The following LRRC57 variants were observed in gnomAD, a reference collection of about 807,000 sequenced individuals.
The protein encoded by LRRC57 is leucine rich repeat containing 57.
A neutral mutation model predicts 23.1 loss-of-function variants in LRRC57; 14 were observed. That is an observed-to-expected ratio of 0.61 (90% CI 0.40 to 0.95). The LOEUF (loss-of-function observed/expected upper bound fraction) is 0.95, where lower values mean the gene tolerates loss of function less well. Ranked by LOEUF, LRRC57 falls within the 40% of genes least tolerant of loss-of-function variation. The pLI is 0.00. For missense variants in LRRC57, 236 were observed against 284.4 expected (o/e 0.83, Z 1.22); for synonymous variants, 106 against 115.2 (o/e 0.92, Z 0.51).
rs925355505 is a variant in LRRC57, at chr15:42,548,747, T to C, written c.-77A>G. On this transcript the variant is annotated 5_prime_UTR_variant, in exon 1 of 6. Transcript: ENST00000397130. ...GCAGGTGAAGACCCAGGACCCGCAGTAGCCGGGATGCGCTCCCCGGCTTAG... is the reference window on the plus strand; with the variant it reads ...GCAGGTGAAGACCCAGGACCCGCAGCAGCCGGGATGCGCTCCCCGGCTTAG... 1.3e-5 allele frequency: 9 copies of C among 704,918 alleles called. No individual in the cohort carries two copies. Among genetic ancestry groups the C allele is most frequent in the Admixed American group, 1.1e-4 (4 of 35,008 alleles). 43.7% of individuals were successfully genotyped at this position (704,918 alleles called of 1,614,324 possible).
chr15:42,548,435 C>A lies in LRRC57; in HGVS notation c.-1G>T. The A allele has an allele frequency of 6.2e-7, 1 of 1,613,582 alleles. No individual in the cohort carries two copies. The highest frequency in any genetic ancestry group is 8.5e-7 in the Non-Finnish European group (1 of 1,180,008). On this transcript the variant is annotated 5_prime_UTR_variant, in exon 2 of 6. Coordinates refer to ENST00000397130, the MANE Select transcript of LRRC57 (RefSeq NM_153260.3). ...GAGCGCGGAGCGCACTGTTTCCCAT[C>A]CTAGCGCCGCGGCTCAGGTCCCTGC...
intron 5 of LRRC57, among the ~76,000 whole-genome samples, chr15:42,544,842 C>CACACACTATATATATATATATATATATA: frequency 1.0e-5 from 1 of 98,042 alleles, no homozygotes; most frequent in African/African-American, 6.6e-5. Flanking sequence ...CACACACACA[C>CACACACTATATATATATATATATATATA]TATATATATA....
rs1297086722 is a variant in LRRC57, at chr15:42,539,955, G to C, written c.*4128C>G. On this transcript the variant is annotated 3_prime_UTR_variant, in exon 6 of 6. Coordinates refer to ENST00000397130, the MANE Select transcript of LRRC57 (RefSeq NM_153260.3). ...CACGCCTGCAATTCCCAGCATTTTG[G>C]GAGGCCAAGGCAGGTGGATCAACTG... The C allele has an allele frequency of 6.6e-6, 1 of 152,140 alleles. No homozygotes were observed. Among genetic ancestry groups the C allele is most frequent in the Non-Finnish European group, 1.5e-5 (1 of 68,058 alleles). 9.4% of individuals were successfully genotyped at this position (152,140 alleles called of 1,614,324 possible).
At chr15:42,531,414 C>G in the LRRC57 span, 1 of 1,547,230 alleles carries the variant, frequency 6.5e-7, no homozygotes, top group Non-Finnish European at 8.7e-7. Flanking sequence ...GTTTTTCAGG[C>G]TGACACCAAC....
chr15:42,536,825 G>A (rs1207054263), downstream of LRRC57, among the ~76,000 whole-genome samples: 2 of 152,076 alleles, frequency 1.3e-5, no homozygotes, highest in African/African-American at 2.4e-5. Flanking sequence ...CTAGTTGTGT[G>A]GCCTTGAGCA....
At chr15:42,545,725 T>C (rs1020305868) in intron 4 of LRRC57, among the ~76,000 whole-genome samples, 3 of 152,192 alleles carry the variant, frequency 2.0e-5, no homozygotes, top group Non-Finnish European at 4.4e-5. Flanking sequence ...AACTGTACTA[T>C]CTATCCCTTC....
chr15:42,545,355 G>T, intron 4 of LRRC57, 93 bp from the exon 5 acceptor site: 1 of 809,148 alleles, frequency 1.2e-6, no homozygotes, highest in Non-Finnish European at 1.7e-6. Flanking sequence ...ATCTTTACTT[G>T]ACTATTTGTT....
chr15:42,544,900 T>C (rs2057651409), intron 5 of LRRC57, among the ~76,000 whole-genome samples, 177 bp downstream of exon 5: 3 of 146,590 alleles, frequency 2.0e-5, no homozygotes, highest in African/African-American at 7.9e-5. Context: ...TACAATAAGC[T>C]GTCTATAGAG....
chr15:42,548,512 T>G, intron 1 of LRRC57, 56 bp from the exon 2 acceptor site: 1 of 1,420,072 alleles, frequency 7.0e-7, no homozygotes, highest in Non-Finnish European at 9.6e-7. Flanking sequence ...GCCTCCCGGC[T>G]GGGGCTCCTG....
rs190746423 is a variant in LRRC57 at position 42,547,543 on chromosome 15, A to T, written c.224-14T>A. The T allele has an allele frequency of 1.2e-4, 184 of 1,592,410 alleles. No individual in the cohort carries two copies. The highest frequency in any genetic ancestry group is 1.7e-4 in the Middle Eastern group (1 of 5,928). ...CAGGCAGAACAGCTGGCAAAGAAAA[A>T]TTTTTTTAAAACCTGAATGTGATAG... On this transcript the variant is annotated splice_polypyrimidine_tract_variant and intron_variant, in intron 3 of 5. Transcript: ENST00000397130.
Position 42,538,373 on chromosome 15 carries a change from T to TA in LRRC57, c.*5709dup, listed in dbSNP as rs766796202. On this transcript the variant is annotated 3_prime_UTR_variant, in exon 6 of 6. Coordinates refer to ENST00000397130, the MANE Select transcript of LRRC57 (RefSeq NM_153260.3). ...TTCCATAAAGTAAAAGCAAGTTTATTAAAAAAGTAAAGGAATAAAAGAATG... is the reference window on the plus strand; with the variant it reads ...TTCCATAAAGTAAAAGCAAGTTTATTAAAAAAAGTAAAGGAATAAAAGAATG... The TA allele has an allele frequency of 6.6e-6, 1 of 152,188 alleles. No homozygotes were observed. Among genetic ancestry groups the TA allele is most frequent in the African/African-American group, 2.4e-5 (1 of 41,468 alleles). 9.4% of individuals were successfully genotyped at this position (152,188 alleles called of 1,614,324 possible). A position where few individuals can be genotyped will look rare whatever the true frequency, so the allele number is the denominator to read the frequency against.
intron 3 of LRRC57, 140 bp downstream of exon 3, chr15:42,547,963 AAAG>A (rs2057670375): frequency 4.1e-6 from 3 of 735,298 alleles, no homozygotes; most frequent in Non-Finnish European, 4.5e-6. Context: ...CAAGAAGTAG[AAAG>A]AAGGCTTCAA....
downstream of LRRC57, among the ~76,000 whole-genome samples, chr15:42,534,419 A>G (rs1292754455): frequency 6.6e-6 from 1 of 152,090 alleles, no homozygotes. Context: ...GTGAGCCACC[A>G]CACCCGGCCT....
chr15:42,531,526 C>T, the LRRC57 span: 5 of 1,420,420 alleles, frequency 3.5e-6, 1 homozygote, highest in South Asian at 3.7e-5. Context: ...GTAGCTCCTC[C>T]TTGAAAGTTA....
intron 5 of LRRC57, among the ~76,000 whole-genome samples, chr15:42,544,427 A>G (rs1306937911): frequency 6.6e-6 from 1 of 152,006 alleles, no homozygotes. Flanking sequence ...AGTCTCAGCT[A>G]ATCAGGAGGT....
At chr15:42,547,188 A>T in intron 4 of LRRC57, 73 bp downstream of exon 4, 1 of 1,487,844 alleles carries the variant, frequency 6.7e-7, no homozygotes, top group Non-Finnish European at 9.1e-7. Flanking sequence ...TTAGGAAACA[A>T]GAGGTTAACA....
intron 3 of LRRC57, 93 bp downstream of exon 3, chr15:42,548,013 G>C (rs746100752): frequency 1.7e-4 from 233 of 1,396,338 alleles, no homozygotes; most frequent in Non-Finnish European, 2.2e-4. Context: ...CTCCTGCACG[G>C]TTTCATAACA....
chr15:42,545,165 A>G lies in LRRC57; in HGVS notation c.590T>C (p.Ile197Thr). The change falls in exon 5 of 6, where the codon ATC (isoleucine) becomes ACC (threonine). Residue 197 changes from isoleucine (I) to threonine (T), a missense_variant. Ile to Thr is a moderately conservative substitution (Grantham distance 89). Transcript: ENST00000397130. ...CAGACAGATCTGGGAATCACTGAGGATGCTCTGGGGAAGCATGCTGAGCTC... is the reference window on the plus strand; with the variant it reads ...CAGACAGATCTGGGAATCACTGAGGGTGCTCTGGGGAAGCATGCTGAGCTC... ...CLELSMLPQS[I>T]LSDSQICLLA... 1 of 1,612,396 alleles carries G rather than the reference A, an allele frequency of 6.2e-7. No individual in the cohort carries two copies. The highest frequency in any genetic ancestry group is 1.1e-5 in the South Asian group (1 of 90,846).
intron 4 of LRRC57, among the ~76,000 whole-genome samples, chr15:42,545,900 TC>T (rs1445873385): frequency 6.6e-6 from 1 of 152,206 alleles, no homozygotes; most frequent in African/African-American, 2.4e-5. Flanking sequence ...TTAAAGTCCA[TC>T]ACTTTTGTTA....
Sources: gnomAD v4.1 joint callset for allele counts (sites outside exome capture counted in the v4.1 genomes callset) on GRCh38, gnomAD v4.1.1 for gene constraint, MANE v1.5 for transcripts, NCBI Gene and HGNC (gene_info 2026-07-23, HGNC 2026-07-21) for gene names.